NCAM2: variants seen among roughly 807,000 people sequenced by gnomAD.
The protein encoded by NCAM2 is N-CAM-2.
In NCAM2, 30 loss-of-function variants were observed where a neutral mutation model predicts 98.1. That is an observed-to-expected ratio of 0.31 (90% CI 0.23 to 0.41). The LOEUF is 0.41. Ranked by LOEUF, NCAM2 falls within the 10% of genes least tolerant of loss-of-function variation. The pLI, the probability that NCAM2 is intolerant of heterozygous loss-of-function variation, is 1.00. For synonymous variants in NCAM2, 368 were observed against 342.4 expected (o/e 1.07, Z -0.83); for missense variants, 867 against 1,005.8 (o/e 0.86, Z 1.87).
chr21:21,270,494 T>C lies in NCAM2; in HGVS notation c.56-10084T>C, dbSNP rs150235933. Reference sequence around the variant, plus strand: ...AGGTGGTCCTATTGCTTACTGGTTTTTGAATCTTAACGTAATGATTTTACT... The same window carrying C: ...AGGTGGTCCTATTGCTTACTGGTTTCTGAATCTTAACGTAATGATTTTACT... On this transcript the variant is annotated intron_variant, in intron 1 of 17. Transcript: ENST00000400546. Among the ~76,000 whole-genome samples the C allele has an allele frequency of 2.0e-3, 304 of 152,320 alleles. 3 individuals are homozygous for C. Among genetic ancestry groups the C allele is most frequent in the African/African-American group, 6.9e-3 (286 of 41,568 alleles).
chr21:21,002,772 A>G (rs1401722206), intron 1 of NCAM2, among the ~76,000 whole-genome samples: 1 of 152,158 alleles, frequency 6.6e-6, no homozygotes, highest in Non-Finnish European at 1.5e-5. Context: ...GTGCAAAATT[A>G]ATTTAATAAT....
chr21:21,288,253 C>T (rs961956361), intron 4 of NCAM2, among the ~76,000 whole-genome samples: 5 of 151,758 alleles, frequency 3.3e-5, no homozygotes, highest in African/African-American at 9.7e-5. Flanking sequence ...TTTGAATCCA[C>T]GAATGTGGAA....
intron 1 of NCAM2, among the ~76,000 whole-genome samples, chr21:21,000,837 T>C (rs1178280909): frequency 2.0e-5 from 3 of 152,234 alleles, no homozygotes; most frequent in East Asian, 1.9e-4. Context: ...TGCTAGTGTT[T>C]TGTTCTCTAA....
intron 15 of NCAM2, among the ~76,000 whole-genome samples, chr21:21,478,012 G>A (rs1255000322): frequency 6.6e-6 from 1 of 152,150 alleles, no homozygotes; most frequent in Non-Finnish European, 1.5e-5. Context: ...CTGTAAATCA[G>A]CCTTTGCAAC....
chr21:21,099,911 T>C (rs971581111), intron 1 of NCAM2, among the ~76,000 whole-genome samples: 3 of 150,056 alleles, frequency 2.0e-5, no homozygotes, highest in Non-Finnish European at 4.4e-5. Flanking sequence ...CATTTTTTAC[T>C]TTTTTAACTT....
intron 1 of NCAM2, among the ~76,000 whole-genome samples, chr21:21,152,302 T>C (rs934840973): frequency 3.3e-5 from 5 of 152,034 alleles, no homozygotes; most frequent in Non-Finnish European, 7.4e-5. Flanking sequence ...TTTCCCTTTA[T>C]CCTGATTTAT....
At chr21:21,361,402 G>C (rs57166083) in intron 8 of NCAM2, among the ~76,000 whole-genome samples, 3,255 of 152,078 alleles carry the variant, frequency 0.021, 98 homozygotes, top group African/African-American at 0.075. Context: ...GGTTGACCTA[G>C]TTAAACAACC....
intron 12 of NCAM2, among the ~76,000 whole-genome samples, chr21:21,444,514 T>C (rs980342471): frequency 7.2e-5 from 11 of 152,178 alleles, no homozygotes; most frequent in African/African-American, 2.6e-4. Flanking sequence ...ATTTCAGAAC[T>C]TGTTATTGTT....
intron 9 of NCAM2, among the ~76,000 whole-genome samples, chr21:21,392,529 G>C (rs771765595): frequency 6.6e-6 from 1 of 152,190 alleles, no homozygotes; most frequent in Non-Finnish European, 1.5e-5. Flanking sequence ...TCCCCACACA[G>C]TCTTCCACAA....
chr21:21,278,355 C>T (rs1208891159), intron 1 of NCAM2, among the ~76,000 whole-genome samples: 2 of 151,980 alleles, frequency 1.3e-5, no homozygotes, highest in African/African-American at 2.4e-5. Flanking sequence ...TGCATTTTGC[C>T]TCTGTTGACC....
intron 1 of NCAM2, among the ~76,000 whole-genome samples, chr21:21,120,596 G>A (rs1231350514): frequency 6.6e-6 from 1 of 152,086 alleles, no homozygotes; most frequent in African/African-American, 2.4e-5. Context: ...TGAAAAAGGA[G>A]CCTGTTTGTT....
chr21:21,496,712 C>G (rs1178732853), intron 15 of NCAM2, among the ~76,000 whole-genome samples: 1 of 152,054 alleles, frequency 6.6e-6, no homozygotes, highest in Non-Finnish European at 1.5e-5. Context: ...AAGAATATTT[C>G]TTAGGTTGTC....
intron 1 of NCAM2, among the ~76,000 whole-genome samples, chr21:21,172,719 G>C (rs1471414873): frequency 6.6e-6 from 1 of 152,072 alleles, no homozygotes; most frequent in African/African-American, 2.4e-5. Flanking sequence ...TAATACTTTA[G>C]TCATTGAATA....
At chr21:21,325,421 C>A (rs232469) in intron 6 of NCAM2, among the ~76,000 whole-genome samples, 103,700 of 151,928 alleles carry the variant, frequency 0.68, 36,143 homozygotes, top group Non-Finnish European at 0.77. Context: ...ACTTTCAACC[C>A]TTTGTTTCTA....
At chr21:21,254,862 G>A (rs1381451267) in intron 1 of NCAM2, among the ~76,000 whole-genome samples, 1 of 151,348 alleles carries the variant, frequency 6.6e-6, no homozygotes, top group Non-Finnish European at 1.5e-5. Context: ...TGTTACATAC[G>A]TTATTTCTAA....
At chr21:21,145,989 C>T (rs984646328) in intron 1 of NCAM2, among the ~76,000 whole-genome samples, 3 of 152,096 alleles carry the variant, frequency 2.0e-5, no homozygotes, top group African/African-American at 7.2e-5. Context: ...GCAAAAATGG[C>T]AATGTCTTTA....
At chr21:21,447,128 A>G (rs1232925616) in intron 12 of NCAM2, among the ~76,000 whole-genome samples, 2 of 152,170 alleles carry the variant, frequency 1.3e-5, no homozygotes, top group Non-Finnish European at 2.9e-5. Flanking sequence ...AGCTAGAGGC[A>G]TCAAGCTACC....
chr21:21,306,804 T>G (rs548832737), intron 5 of NCAM2, among the ~76,000 whole-genome samples: 2 of 152,234 alleles, frequency 1.3e-5, no homozygotes, highest in South Asian at 4.1e-4. Context: ...TCTTTCTATT[T>G]TTGTACCCAT....
intron 12 of NCAM2, among the ~76,000 whole-genome samples, chr21:21,449,114 A>G (rs1044565021): frequency 2.0e-5 from 3 of 152,208 alleles, no homozygotes; most frequent in African/African-American, 4.8e-5. Flanking sequence ...ACATAATTCT[A>G]TACTCAGCCT....
Sources: gnomAD v4.1 joint callset for allele counts (sites outside exome capture counted in the v4.1 genomes callset) on GRCh38, gnomAD v4.1.1 for gene constraint, MANE v1.5 for transcripts, NCBI Gene and HGNC (gene_info 2026-07-23, HGNC 2026-07-21) for gene names.